Variants in GALNT18 observed in about 807,000 individuals in gnomAD.
GALNT18 encodes the protein polypeptide N-acetylgalactosaminyltransferase 18, also known as GalNAc-transferase 18.
A neutral mutation model predicts 69.5 loss-of-function variants in GALNT18; 44 were observed. The ratio of observed to expected loss-of-function variants is 0.63; its 90% CI spans 0.50 to 0.81. GALNT18 has a LOEUF of 0.81. Ranked by LOEUF, GALNT18 falls within the 40% of genes least tolerant of loss-of-function variation. The pLI, the probability that GALNT18 is intolerant of heterozygous loss-of-function variation, is 0.00. For missense variants in GALNT18, 715 were observed against 810.0 expected (o/e 0.88, Z 1.42); for synonymous variants, 364 against 318.2 (o/e 1.14, Z -1.53).
Position 11,473,358 on chromosome 11 carries a change from A to G in GALNT18, c.236-24422T>C, listed in dbSNP as rs373436101. On this transcript the variant is annotated intron_variant, in intron 1 of 10. Transcript: ENST00000227756. ...CTCTTCTATACAACTTATTTTATAA[A>G]TACAAACCCAGTCTCATTCAAACAT... is the stretch of plus-strand genomic sequence containing the variant. Among the ~76,000 whole-genome samples, 6 of 152,364 alleles carry G rather than the reference A, an allele frequency of 3.9e-5. No individual in the cohort carries two copies. In the East Asian group the frequency reaches 1.2e-3, roughly 29 times the overall value.
intron 10 of GALNT18, among the ~76,000 whole-genome samples, chr11:11,278,503 TATAGTATAAAAAA>T (rs1848996476): frequency 6.6e-6 from 1 of 151,728 alleles, no homozygotes; most frequent in Non-Finnish European, 1.5e-5. Flanking sequence ...CCCCAGAACT[TATAGTATAAAAAA>T]AAAAGGGAGA....
intron 1 of GALNT18, chr11:11,570,094 GC>G (rs924523205): frequency 6.6e-6 from 1 of 152,290 alleles, no homozygotes; most frequent in Non-Finnish European, 1.5e-5. Context: ...AGAAGGCGGA[GC>G]CCCGGACTGG....
chr11:11,552,885 C>T (rs903324751), intron 1 of GALNT18, among the ~76,000 whole-genome samples: 2 of 152,132 alleles, frequency 1.3e-5, no homozygotes, highest in Admixed American at 6.5e-5. Context: ...TGCTCCACAC[C>T]CAGCCCCTGA....
intron 6 of GALNT18, among the ~76,000 whole-genome samples, chr11:11,364,677 T>C (rs549841061): frequency 6.6e-6 from 1 of 152,236 alleles, no homozygotes; most frequent in Non-Finnish European, 1.5e-5. Context: ...ATGAGAGAAT[T>C]AGAAAAATGT....
Position 11,586,736 on chromosome 11 carries a change from C to G in GALNT18, c.235+34623G>C, listed in dbSNP as rs111829922. 0.03 allele frequency among the ~76,000 whole-genome samples: 4,562 copies of G among 152,152 alleles called. 215 individuals carry two copies. Among genetic ancestry groups the G allele is most frequent in the African/African-American group, 0.1 (4,310 of 41,480 alleles). On this transcript the variant is annotated intron_variant, in intron 1 of 10. Transcript: ENST00000227756. The surrounding 1 kb of genome is among the most constrained non-coding windows in gnomAD (Gnocchi z 4.1). ...TGCCTGTAATCACAGCCCTTTGGGA[C>G]GCCGAGGCGGGCAGATCACCTGAGG...
At chr11:11,311,287 C>T (rs1265198247) in intron 9 of GALNT18, among the ~76,000 whole-genome samples, 1 of 152,210 alleles carries the variant, frequency 6.6e-6, no homozygotes, top group Non-Finnish European at 1.5e-5. Context: ...AACCTCCCCA[C>T]TTCCTGCTTC....
At chr11:11,559,734 G>T (rs1858425072) in intron 1 of GALNT18, among the ~76,000 whole-genome samples, 1 of 151,592 alleles carries the variant, frequency 6.6e-6, no homozygotes, top group Non-Finnish European at 1.5e-5. Context: ...GGAATGGAAT[G>T]GGGTATGATG....
At chr11:11,275,241 C>A (rs1295157428) in intron 10 of GALNT18, among the ~76,000 whole-genome samples, 1 of 152,226 alleles carries the variant, frequency 6.6e-6, no homozygotes, top group African/African-American at 2.4e-5. Flanking sequence ...GCCATTCTAA[C>A]TGGTGTGAGA....
chr11:11,403,171 C>T (rs1419788262), intron 3 of GALNT18, among the ~76,000 whole-genome samples: 1 of 152,198 alleles, frequency 6.6e-6, no homozygotes, highest in Admixed American at 6.5e-5. Context: ...GCATCCTTCT[C>T]AAAGCCTCCC....
At chr11:11,467,137 A>G (rs996413698) in intron 1 of GALNT18, among the ~76,000 whole-genome samples, 1 of 152,144 alleles carries the variant, frequency 6.6e-6, no homozygotes, top group Non-Finnish European at 1.5e-5. Context: ...GAAGATAGAC[A>G]TCACCGTGTG....
At chr11:11,275,813 A>T (rs12804163) in intron 10 of GALNT18, among the ~76,000 whole-genome samples, 28,213 of 151,944 alleles carry the variant, frequency 0.19, 3,270 homozygotes, top group Non-Finnish European at 0.26. Flanking sequence ...TGCTTGTTTC[A>T]GTCAGGTTTG....
In GALNT18 at chr11:11,421,760, A is replaced by C. The variant is rs1855010231; in HGVS notation, c.595+10861T>G. 6.6e-6 allele frequency among the ~76,000 whole-genome samples: 1 copy of C among 152,124 alleles called. No individual in the cohort carries two copies. Among genetic ancestry groups the C allele is most frequent in the Non-Finnish European group, 1.5e-5 (1 of 68,024 alleles). On this transcript the variant is annotated intron_variant, in intron 3 of 10. Transcript: ENST00000227756. This position sits in a 1 kb window ranked among gnomAD's most constrained non-coding sequence, Gnocchi z 5.6. The stretch of plus-strand genomic sequence containing the variant: ...TGCAGAGTCTCTGCAGAGTCTCTGC[A>C]GAGGTCAGGACTGGCCACGCTGCTA...
At chr11:11,352,793 G>C (rs528214897) in intron 6 of GALNT18, 2 of 1,614,164 alleles carry the variant, frequency 1.2e-6, no homozygotes, top group Non-Finnish European at 8.5e-7. Flanking sequence ...AAACCAAGGC[G>C]GGGGTTCGTG....
At chr11:11,530,672 G>A (rs1341671938) in intron 1 of GALNT18, among the ~76,000 whole-genome samples, 1 of 152,182 alleles carries the variant, frequency 6.6e-6, no homozygotes, top group African/African-American at 2.4e-5. Flanking sequence ...CATTCTACCT[G>A]CCCAGCACTT....
chr11:11,274,223 T>G (rs4322389), intron 10 of GALNT18, among the ~76,000 whole-genome samples: 62,777 of 151,916 alleles, frequency 0.41, 13,193 homozygotes, highest in Non-Finnish European at 0.46. Flanking sequence ...CCACCATGGT[T>G]CTGGGTTTCA....
intron 1 of GALNT18, among the ~76,000 whole-genome samples, chr11:11,536,770 C>T (rs1208489196): frequency 6.6e-6 from 1 of 152,220 alleles, no homozygotes; most frequent in African/African-American, 2.4e-5. Flanking sequence ...TGACGTTCAG[C>T]TTCACATGTG....
chr11:11,272,266 G>A (rs1020199831), intron 10 of GALNT18, among the ~76,000 whole-genome samples: 3 of 152,122 alleles, frequency 2.0e-5, no homozygotes, highest in East Asian at 1.9e-4. Context: ...CTCAAGTCCT[G>A]GCAATTCTAC....
chr11:11,394,203 C>T (rs1294594899), intron 3 of GALNT18, among the ~76,000 whole-genome samples: 1 of 152,144 alleles, frequency 6.6e-6, no homozygotes. Context: ...TTGCATTTGT[C>T]TCAATGGATG....
rs1187714352 is a variant in GALNT18, at chr11:11,379,220, T to G, written c.640A>C (p.Ser214Arg). 1 of 1,613,208 alleles carries G rather than the reference T, an allele frequency of 6.2e-7. No individual in the cohort carries two copies. The highest frequency in any genetic ancestry group is 8.5e-7 in the Non-Finnish European group (1 of 1,180,018). ...ACTTTGATGAAGCCTGGCTTCTGGC[T>G]GTTCACCTTGTCCACATATTCGGTC... ...KLTEYVDKVN[S>R]QKPGFIKVVR... Residue 214 changes from serine (S) to arginine (R), a missense_variant, in exon 4 of 11, where the codon AGC (serine) becomes CGC (arginine). By Grantham distance (110) the Ser-to-Arg change is moderately radical (BLOSUM62 -1). Coordinates refer to ENST00000227756, the MANE Select transcript of GALNT18 (RefSeq NM_198516.3).
Sources: allele counts gnomAD v4.1 joint callset (sites outside exome capture counted in the v4.1 genomes callset), GRCh38; gene constraint gnomAD v4.1.1; non-coding constraint Gnocchi (gnomAD v3.1); transcripts MANE v1.5; gene names NCBI Gene and HGNC (gene_info 2026-07-23, HGNC 2026-07-21).